The following SNX25 variants were observed in gnomAD, a reference collection of about 807,000 sequenced individuals.
SNX25 encodes the protein sorting nexin-25.
In SNX25, 62 loss-of-function variants were observed where a neutral mutation model predicts 113.7. The ratio of observed to expected loss-of-function variants is 0.55; its 90% CI spans 0.44 to 0.67. The LOEUF (loss-of-function observed/expected upper bound fraction) is 0.67. Ranked by LOEUF, SNX25 falls within the 30% of genes least tolerant of loss-of-function variation. The pLI, the probability that SNX25 is intolerant of heterozygous loss-of-function variation, is 0.00. For missense variants in SNX25, 1,014 were observed against 1,161.0 expected, an observed-to-expected ratio of 0.87 and a Z score of 1.84; for synonymous variants, 421 against 436.2, an observed-to-expected ratio of 0.97 and a Z score of 0.43.
intron 10 of SNX25, among the ~76,000 whole-genome samples, chr4:185,335,082 G>A (rs1388601911): frequency 6.6e-6 from 1 of 152,160 alleles, no homozygotes; most frequent in African/African-American, 2.4e-5. Flanking sequence ...CACTTTGGGA[G>A]GCCAAGGCAG....
Position 185,336,665 on chromosome 4 carries a change from T to C in SNX25, c.1915-2714T>C, listed in dbSNP as rs541355135. ...TTTTTTGTATAATGACTTCTTTTCC[T>C]CTGAGTAGATCCCTAGTAGTGGGAT... is the stretch of plus-strand genomic sequence containing the variant. On this transcript the variant is annotated intron_variant, in intron 10 of 18. Transcript: ENST00000652585. Among the ~76,000 whole-genome samples the C allele has an allele frequency of 8.3e-3, 1,272 of 152,346 alleles. 12 individuals carry two copies. The highest frequency in any genetic ancestry group is 0.028 in the African/African-American group (1,180 of 41,568).
At chr4:185,275,573 A>C (rs1332982789) in intron 5 of SNX25, among the ~76,000 whole-genome samples, 2 of 152,228 alleles carry the variant, frequency 1.3e-5, no homozygotes, top group East Asian at 3.8e-4. Flanking sequence ...TTGCACATGA[A>C]GATAATGTAT....
At position 185,286,718 on chromosome 4, in the gene SNX25, G is replaced by A. The variant is rs192272200; in HGVS notation, c.1092-1294G>A. Among the ~76,000 whole-genome samples, 43 of 152,324 alleles carry A rather than the reference G, an allele frequency of 2.8e-4. No individual in the cohort carries two copies. In the East Asian group the frequency reaches 6.6e-3, roughly 23 times the overall value. On this transcript the variant is annotated intron_variant, in intron 5 of 18. Coordinates refer to ENST00000652585, the MANE Select transcript of SNX25 (RefSeq NM_001378034.2). ...AACAAGGAAGGAAGGGAGACTGGAC[G>A]TTGGGCAGGCAGCCGGCAGTGTCTG...
Position 185,249,018 on chromosome 4 carries a change from A to G in SNX25, c.514+1640A>G, listed in dbSNP as rs139515392. Reference sequence around the variant, plus strand: ...GTTACTTTTGGGTGGGTGGTATTCCATTACAGTGATACAGCTATGACAATA... The same window carrying G: ...GTTACTTTTGGGTGGGTGGTATTCCGTTACAGTGATACAGCTATGACAATA... On this transcript the variant is annotated intron_variant, in intron 2 of 18. Transcript: ENST00000652585. Among the ~76,000 whole-genome samples, 4 of 152,324 alleles carry G rather than the reference A, an allele frequency of 2.6e-5. No homozygotes were observed. The East Asian group carries it at 7.7e-4, about 29-fold the overall frequency.
At chr4:185,213,676 C>A (rs998895457) in intron 1 of SNX25, among the ~76,000 whole-genome samples, 1 of 152,130 alleles carries the variant, frequency 6.6e-6, no homozygotes, top group Non-Finnish European at 1.5e-5. Context: ...GATTTACTAG[C>A]CACAGTTACT....
At chr4:185,273,022 T>C (rs79327997) in intron 5 of SNX25, among the ~76,000 whole-genome samples, 3,402 of 152,242 alleles carry the variant, frequency 0.022, 106 homozygotes, top group African/African-American at 0.069. Flanking sequence ...TGCTGTACCC[T>C]TACAGTTGCG....
At chr4:185,328,087 T>G (rs1303434915) in intron 9 of SNX25, among the ~76,000 whole-genome samples, 3 of 152,178 alleles carry the variant, frequency 2.0e-5, no homozygotes, top group Non-Finnish European at 4.4e-5. Context: ...GCCAATTAAT[T>G]AGAGTTCTTT....
intron 16 of SNX25, among the ~76,000 whole-genome samples, chr4:185,361,595 A>G (rs565408032): frequency 6.6e-6 from 1 of 152,110 alleles, no homozygotes; most frequent in East Asian, 1.9e-4. Context: ...AAAATCAGCC[A>G]GGCATGGTGG....
intron 13 of SNX25, among the ~76,000 whole-genome samples, chr4:185,350,890 A>G (rs1443329495): frequency 6.6e-6 from 1 of 152,206 alleles, no homozygotes; most frequent in Non-Finnish European, 1.5e-5. Flanking sequence ...AGAAATTGTT[A>G]CATAATTATG....
intron 6 of SNX25, among the ~76,000 whole-genome samples, chr4:185,298,529 T>C (rs1037445815): frequency 6.6e-6 from 1 of 152,190 alleles, no homozygotes. Context: ...AACTCATCAT[T>C]GTCTTCCCAT....
At chr4:185,298,304 G>C (rs748801117) in intron 6 of SNX25, among the ~76,000 whole-genome samples, 1 of 151,888 alleles carries the variant, frequency 6.6e-6, no homozygotes, top group African/African-American at 2.4e-5. Context: ...GGCCAGGCTG[G>C]TCTCGAACTC....
intron 3 of SNX25, among the ~76,000 whole-genome samples, chr4:185,264,129 C>T (rs904687629): frequency 6.6e-6 from 1 of 152,132 alleles, no homozygotes; most frequent in African/African-American, 2.4e-5. Context: ...ATCTAGAAGA[C>T]TTAAAAATTA....
intron 5 of SNX25, among the ~76,000 whole-genome samples, chr4:185,272,211 T>C (rs977923927): frequency 1.8e-4 from 28 of 152,276 alleles, no homozygotes; most frequent in African/African-American, 6.7e-4. Context: ...GCTGGATGGG[T>C]TTCCCACAGT....
At chr4:185,337,409 G>A (rs1305363689) in intron 10 of SNX25, among the ~76,000 whole-genome samples, 2 of 152,090 alleles carry the variant, frequency 1.3e-5, no homozygotes, top group African/African-American at 2.4e-5. Flanking sequence ...ATGTGGTAGC[G>A]TGTGTTAGAA....
chr4:185,285,628 A>G (rs1322225766), intron 5 of SNX25, among the ~76,000 whole-genome samples: 1 of 152,250 alleles, frequency 6.6e-6, no homozygotes, highest in Admixed American at 6.5e-5. Context: ...CTTGACATAC[A>G]GCAACTTAAA....
Position 185,218,373 on chromosome 4 carries a change from C to G in SNX25, c.429+8118C>G, listed in dbSNP as rs573188311. Among the ~76,000 whole-genome samples, 90 of 152,368 alleles carry G rather than the reference C, an allele frequency of 5.9e-4. 1 individual carries two copies. Among genetic ancestry groups the G allele is most frequent in the African/African-American group, 2.0e-3 (85 of 41,588 alleles). ...GTTCTGGGATTACAGGCATGAGCCA[C>G]CACTCCTGGCCTGCTTCTGTAGTTT... On this transcript the variant is annotated intron_variant, in intron 1 of 18. Transcript: ENST00000652585.
At chr4:185,217,818 G>A (rs1211679174) in intron 1 of SNX25, among the ~76,000 whole-genome samples, 2 of 152,320 alleles carry the variant, frequency 1.3e-5, no homozygotes, top group East Asian at 3.9e-4. Flanking sequence ...AAAATGCACA[G>A]TGTCTGTGGA....
At chr4:185,216,506 G>A (rs1438550490) in intron 1 of SNX25, among the ~76,000 whole-genome samples, 1 of 138,470 alleles carries the variant, frequency 7.2e-6, no homozygotes. Flanking sequence ...ACAAAAGTGT[G>A]TATTTGGTTT....
At chr4:185,350,142 CGTG>C (rs80179981) in intron 13 of SNX25, among the ~76,000 whole-genome samples, 3,964 of 152,306 alleles carry the variant, frequency 0.026, 80 homozygotes, top group South Asian at 0.059. Flanking sequence ...GATGGTGTTC[CGTG>C]GACCCCTTGT....
Sources: gnomAD v4.1 joint callset for allele counts (sites outside exome capture counted in the v4.1 genomes callset) on GRCh38, gnomAD v4.1.1 for gene constraint, MANE v1.5 for transcripts, NCBI Gene and HGNC (gene_info 2026-07-23, HGNC 2026-07-21) for gene names.